LTBP1: variants seen among roughly 807,000 people sequenced by gnomAD.
The protein encoded by LTBP1 is latent-transforming growth factor beta-binding protein 1.
Under a neutral mutation model 207.6 loss-of-function variants are expected in LTBP1, and 129 were observed. That is an observed-to-expected ratio of 0.62 (90% CI 0.54 to 0.72). LTBP1 has a LOEUF of 0.72. Among genes scored for constraint, LTBP1 ranks in the 30% least tolerant of loss-of-function variants. The pLI is 0.00. For synonymous variants in LTBP1, 963 were observed against 833.7 expected (o/e 1.16, Z -2.67); for missense variants, 2,281 against 2,217.2 (o/e 1.03, Z -0.58).
intron 3 of LTBP1, among the ~76,000 whole-genome samples, chr2:33,035,517 T>G (rs1406247368): frequency 6.6e-6 from 1 of 152,208 alleles, no homozygotes; most frequent in Non-Finnish European, 1.5e-5. Context: ...CACCAAATTA[T>G]TTTATAGTCT....
rs116028223 is a variant in LTBP1, at chr2:33,340,731, G to A, written c.3731-2107G>A. On this transcript the variant is annotated intron_variant, in intron 24 of 33. Transcript: ENST00000404816. ...AATAAAGTTGACATGTACTATATTG[G>A]ATGTCTCCCTACGATACATGCCAGG... 3.6e-3 allele frequency among the ~76,000 whole-genome samples: 543 copies of A among 152,282 alleles called. 3 individuals are homozygous for A. Among genetic ancestry groups the A allele is most frequent in the African/African-American group, 0.012 (517 of 41,562 alleles).
chr2:33,171,787 C>T (rs1443930636), intron 5 of LTBP1, among the ~76,000 whole-genome samples: 1 of 152,050 alleles, frequency 6.6e-6, no homozygotes, highest in Non-Finnish European at 1.5e-5. Context: ...AAGGGAAGCC[C>T]ATCAGACTAA....
chr2:33,251,571 A>G (rs550725608), intron 10 of LTBP1, among the ~76,000 whole-genome samples: 1 of 151,144 alleles, frequency 6.6e-6, no homozygotes, highest in East Asian at 2.0e-4. Flanking sequence ...AGGCTGAGGC[A>G]GGAGAATGGC....
intron 7 of LTBP1, among the ~76,000 whole-genome samples, chr2:33,191,244 A>G (rs1191933657): frequency 6.6e-6 from 1 of 152,232 alleles, no homozygotes; most frequent in African/African-American, 2.4e-5. Context: ...GAAAAGATGA[A>G]AAGATACTAT....
chr2:32,960,599 T>A (rs1678945914), intron 2 of LTBP1, among the ~76,000 whole-genome samples: 2 of 152,172 alleles, frequency 1.3e-5, no homozygotes, highest in African/African-American at 4.8e-5. Context: ...TTGTATGATT[T>A]TTTTTCCCTC....
intron 22 of LTBP1, among the ~76,000 whole-genome samples, chr2:33,307,476 T>A (rs1180784727): frequency 6.6e-6 from 1 of 152,168 alleles, no homozygotes; most frequent in Non-Finnish European, 1.5e-5. Context: ...GAACTACTGA[T>A]ACACACAGCA....
At chr2:33,060,916 C>G (rs1333596367) in intron 3 of LTBP1, among the ~76,000 whole-genome samples, 1 of 151,924 alleles carries the variant, frequency 6.6e-6, no homozygotes, top group Non-Finnish European at 1.5e-5. Context: ...TGAAATAGCT[C>G]TTGCAAACAA....
intron 26 of LTBP1, among the ~76,000 whole-genome samples, chr2:33,352,481 CT>C (rs1337485567): frequency 6.6e-6 from 1 of 152,066 alleles, no homozygotes; most frequent in Non-Finnish European, 1.5e-5. Flanking sequence ...TGAAGTCATA[CT>C]TTTTTTTGTC....
intron 24 of LTBP1, among the ~76,000 whole-genome samples, chr2:33,326,034 A>G (rs561234780): frequency 2.0e-5 from 3 of 152,250 alleles, no homozygotes; most frequent in South Asian, 4.1e-4. Flanking sequence ...CTTTTTCTGT[A>G]AAGAATCACA....
At chr2:32,953,669 C>A (rs1036204670) in intron 2 of LTBP1, among the ~76,000 whole-genome samples, 1 of 152,172 alleles carries the variant, frequency 6.6e-6, no homozygotes, top group Non-Finnish European at 1.5e-5. Context: ...CCGCCCGCCC[C>A]CTGCCTGCTC....
chr2:33,370,657 A>G (rs1256168010), intron 31 of LTBP1, among the ~76,000 whole-genome samples: 1 of 152,190 alleles, frequency 6.6e-6, no homozygotes, highest in Non-Finnish European at 1.5e-5. Flanking sequence ...CTGCCATTGA[A>G]CCTTTTAAAT....
chr2:33,353,115 A>T (rs544171228), intron 26 of LTBP1, among the ~76,000 whole-genome samples: 2 of 150,900 alleles, frequency 1.3e-5, no homozygotes, highest in Non-Finnish European at 2.9e-5. Context: ...AGTAGCTAGG[A>T]TTACAGGCCT....
chr2:33,008,712 A>G (rs1687269129), intron 2 of LTBP1, among the ~76,000 whole-genome samples: 1 of 152,266 alleles, frequency 6.6e-6, no homozygotes, highest in African/African-American at 2.4e-5. Context: ...GACAATGACC[A>G]GATAAATATG....
At chr2:33,317,254 A>G (rs1199961185) in intron 24 of LTBP1, among the ~76,000 whole-genome samples, 1 of 152,218 alleles carries the variant, frequency 6.6e-6, no homozygotes, top group Non-Finnish European at 1.5e-5. Flanking sequence ...CTCATTGAGT[A>G]TACTCTTTGT....
chr2:33,176,896 G>C (rs746466499), intron 5 of LTBP1, among the ~76,000 whole-genome samples: 4 of 152,116 alleles, frequency 2.6e-5, no homozygotes, highest in Non-Finnish European at 5.9e-5. Flanking sequence ...TCATAATTAC[G>C]AAGTTGATGA....
chr2:33,056,583 C>A, intron 3 of LTBP1: 1 of 380,764 alleles, frequency 2.6e-6, no homozygotes, highest in East Asian at 4.8e-5. Context: ...GCCGCGGACC[C>A]TCGCAGTGAG....
chr2:33,114,767 A>C (rs903276702), intron 4 of LTBP1, among the ~76,000 whole-genome samples: 1 of 152,148 alleles, frequency 6.6e-6, no homozygotes, highest in Non-Finnish European at 1.5e-5. Context: ...ATATTGGTGG[A>C]AATATTTTTA....
At chr2:32,974,740 A>G (rs1324147319) in intron 2 of LTBP1, among the ~76,000 whole-genome samples, 1 of 152,168 alleles carries the variant, frequency 6.6e-6, no homozygotes, top group Non-Finnish European at 1.5e-5. Flanking sequence ...ATTTTTCTCC[A>G]TCCCTTTACT....
At chr2:33,190,428 T>C (rs139903999) in intron 7 of LTBP1, among the ~76,000 whole-genome samples, 238 of 152,320 alleles carry the variant, frequency 1.6e-3, no homozygotes, top group African/African-American at 5.3e-3. Context: ...TTTTAGGTAG[T>C]AAGTCAATGG....
Sources: allele counts gnomAD v4.1 joint callset (sites outside exome capture counted in the v4.1 genomes callset), GRCh38; gene constraint gnomAD v4.1.1; transcripts MANE v1.5; gene names NCBI Gene and HGNC (gene_info 2026-07-23, HGNC 2026-07-21).